VGLL3: variants seen among roughly 807,000 people sequenced by gnomAD.
VGLL3 encodes transcription cofactor vestigial-like protein 3.
A neutral mutation model predicts 29.2 loss-of-function variants in VGLL3; 18 were observed. The observed-to-expected ratio is 0.62, with a 90% confidence interval of 0.43 to 0.91. VGLL3 has a LOEUF of 0.91. VGLL3 is among the 40% of genes least tolerant of loss of function. The probability of loss-of-function intolerance (pLI) is 0.00; values close to 1 mark genes in which losing one functional copy is unlikely to be tolerated. For synonymous variants in VGLL3, 180 were observed against 151.8 expected (o/e 1.19, Z -1.36); for missense variants, 440 against 413.2 (o/e 1.06, Z -0.56).
chr3:86,941,268 T>C lies in VGLL3; in HGVS notation c.*5756A>G, dbSNP rs1311788917. ...ATATCCTAAGAAATTAAATCAATTGTGTAAATAATCATTATTAACTTTTGC... is the reference window on the plus strand; with the variant it reads ...ATATCCTAAGAAATTAAATCAATTGCGTAAATAATCATTATTAACTTTTGC... On this transcript the variant is annotated 3_prime_UTR_variant, in exon 4 of 4. Transcript: ENST00000398399. The C allele has an allele frequency of 6.6e-6, 1 of 152,452 alleles. No individual in the cohort carries two copies. The highest frequency in any genetic ancestry group is 1.5e-5 in the Non-Finnish European group (1 of 67,932). The allele number at this position is 152,452 out of a possible 1,614,324, so 9.4% of individuals were successfully genotyped here.
chr3:86,969,334 A>T (rs555236703), intron 2 of VGLL3, among the ~76,000 whole-genome samples: 1 of 152,320 alleles, frequency 6.6e-6, no homozygotes, highest in Admixed American at 6.5e-5. Flanking sequence ...CCAAAGTGTT[A>T]AATGAGCCTC....
intron 2 of VGLL3, among the ~76,000 whole-genome samples, chr3:86,977,231 G>A (rs1370832359): frequency 6.6e-6 from 1 of 152,036 alleles, no homozygotes; most frequent in East Asian, 1.9e-4. Context: ...GAGAGGAGAA[G>A]AGGCAAACAG....
intron 3 of VGLL3, among the ~76,000 whole-genome samples, chr3:86,960,586 T>C (rs1704817076): frequency 6.6e-6 from 1 of 152,188 alleles, no homozygotes; most frequent in Admixed American, 6.5e-5. Flanking sequence ...TCTCAGTCTG[T>C]ACTTTGCAAG....
At chr3:86,949,813 C>T (rs796984023) in intron 3 of VGLL3, among the ~76,000 whole-genome samples, 29 of 128,404 alleles carry the variant, frequency 2.3e-4, no homozygotes, top group Middle Eastern at 5.9e-3. Flanking sequence ...GGTGACAGAG[C>T]GAGACTCCAT....
At position 86,939,777 on chromosome 3, in the gene VGLL3, T is replaced by A. The variant is rs2106939770; in HGVS notation, c.*7247A>T. 1 of 152,460 alleles carries A rather than the reference T, an allele frequency of 6.6e-6. No homozygotes were observed. Among genetic ancestry groups the A allele is most frequent in the East Asian group, 1.9e-4 (1 of 5,182 alleles). The allele number at this position is 152,460 out of a possible 1,614,324, so 9.4% of individuals were successfully genotyped here. On this transcript the variant is annotated 3_prime_UTR_variant, in exon 4 of 4. Transcript: ENST00000398399. ...AGAAGAGGAAGTCAGTGATGTCATGTGAGAAGGTCTTGACCAGGTTGCTGG... is the reference window on the plus strand; with the variant it reads ...AGAAGAGGAAGTCAGTGATGTCATGAGAGAAGGTCTTGACCAGGTTGCTGG...
intron 2 of VGLL3, among the ~76,000 whole-genome samples, chr3:86,970,110 G>A (rs1198909916): frequency 2.6e-5 from 4 of 152,136 alleles, no homozygotes; most frequent in Non-Finnish European, 5.9e-5. Context: ...GTATTTTGGG[G>A]AGAGGGAAAT....
intron 1 of VGLL3, among the ~76,000 whole-genome samples, chr3:86,986,966 C>T (rs996836793): frequency 1.3e-5 from 2 of 151,924 alleles, no homozygotes; most frequent in Admixed American, 1.3e-4. Flanking sequence ...GCATATTAAT[C>T]TTCATTAGAA....
At chr3:86,951,574 AT>A (rs1704619172) in intron 3 of VGLL3, among the ~76,000 whole-genome samples, 1 of 152,132 alleles carries the variant, frequency 6.6e-6, no homozygotes, top group South Asian at 2.1e-4. Context: ...ATTATGACTC[AT>A]TTTCTAACTG....
Position 86,969,075 on chromosome 3 carries a change from C to A in VGLL3, c.452G>T (p.Trp151Leu), listed in dbSNP as rs1705029383. 1 of 1,610,376 alleles carries A rather than the reference C, an allele frequency of 6.2e-7. No individual in the cohort carries two copies. The highest frequency in any genetic ancestry group is 1.3e-5 in the African/African-American group (1 of 74,924). ...SQRNSFPTSF[W>L]TSSYQPPPAP... ...AGGTGGGGGCTGGTAAGAGCTGGTC[C>A]AAAAGGAAGTTGGGAAACTATTCCG... Residue 151 changes from tryptophan to leucine, a missense_variant, in exon 3 of 4, where the codon TGG becomes TTG. Coordinates refer to ENST00000398399, the MANE Select transcript of VGLL3 (RefSeq NM_016206.4).
intron 2 of VGLL3, among the ~76,000 whole-genome samples, chr3:86,969,647 C>A (rs183647736): frequency 6.6e-6 from 1 of 151,706 alleles, no homozygotes; most frequent in Admixed American, 6.6e-5. Context: ...CACTCATTTT[C>A]CATTAAGAAG....
At chr3:86,972,519 G>T (rs1287304117) in intron 2 of VGLL3, among the ~76,000 whole-genome samples, 1 of 152,150 alleles carries the variant, frequency 6.6e-6, no homozygotes, top group Non-Finnish European at 1.5e-5. Context: ...AGGAAGAGAT[G>T]ATATGCTTTG....
rs1475710421 is a variant in VGLL3 at position 86,938,025 on chromosome 3, C to T, written c.*8999G>A. On this transcript the variant is annotated 3_prime_UTR_variant, in exon 4 of 4. Transcript: ENST00000398399. ...GTAATTTGTTTAACACAAAATGGCACATAGCATGATATCATGTCACCCATT... is the reference window on the plus strand; with the variant it reads ...GTAATTTGTTTAACACAAAATGGCATATAGCATGATATCATGTCACCCATT... 6.6e-6 allele frequency: 1 copy of T among 152,120 alleles called. No individual in the cohort carries two copies. Among genetic ancestry groups the T allele is most frequent in the Non-Finnish European group, 1.5e-5 (1 of 68,008 alleles). 9.4% of individuals were successfully genotyped at this position (152,120 alleles called of 1,614,324 possible).
intron 2 of VGLL3, among the ~76,000 whole-genome samples, chr3:86,972,889 C>T (rs13077907): frequency 0.013 from 2,004 of 150,982 alleles, 18 homozygotes; most frequent in Non-Finnish European, 0.02. Context: ...TACATACACA[C>T]GAGTTTATTT....
chr3:86,955,645 C>T (rs573497056), intron 3 of VGLL3, among the ~76,000 whole-genome samples: 4 of 152,240 alleles, frequency 2.6e-5, no homozygotes, highest in African/African-American at 9.6e-5. Context: ...CCCACCTTGG[C>T]CTCCCAAAGT....
chr3:86,967,354 TCA>T (rs1704985772), intron 3 of VGLL3, among the ~76,000 whole-genome samples: 1 of 152,136 alleles, frequency 6.6e-6, no homozygotes, highest in South Asian at 2.1e-4. Context: ...TGCTGTGCCA[TCA>T]CACACGCATC....
rs1436114009 is a variant in VGLL3, at chr3:86,938,438, C to T, written c.*8586G>A. 6.6e-6 allele frequency: 1 copy of T among 152,594 alleles called. No individual in the cohort carries two copies. The highest frequency in any genetic ancestry group is 1.5e-5 in the Non-Finnish European group (1 of 68,022). The allele number at this position is 152,594 out of a possible 1,614,324, so 9.5% of individuals were successfully genotyped here. ...TATATTTTCCTTTTAGCAAGATCCA[C>T]AAGAAAGGATAGAGTGTCATGCTTA... On this transcript the variant is annotated 3_prime_UTR_variant, in exon 4 of 4. Transcript: ENST00000398399.
intron 3 of VGLL3, among the ~76,000 whole-genome samples, chr3:86,960,995 A>G: frequency 6.7e-6 from 1 of 149,782 alleles, no homozygotes; most frequent in Non-Finnish European, 1.5e-5. Flanking sequence ...TTTGTTTAAT[A>G]TTAGGTTACC....
chr3:86,950,226 G>A (rs767966010), intron 3 of VGLL3, among the ~76,000 whole-genome samples: 2 of 152,070 alleles, frequency 1.3e-5, no homozygotes, highest in Non-Finnish European at 1.5e-5. Context: ...TGTTCAGACT[G>A]TGAGATTTTT....
chr3:86,976,263 C>G (rs1306656893), intron 2 of VGLL3, among the ~76,000 whole-genome samples: 1 of 152,242 alleles, frequency 6.6e-6, no homozygotes, highest in African/African-American at 2.4e-5. Context: ...TGTAGAATTA[C>G]TTTCCCCTAG....
Sources: allele counts gnomAD v4.1 joint callset (sites outside exome capture counted in the v4.1 genomes callset), GRCh38; gene constraint gnomAD v4.1.1; transcripts MANE v1.5; gene names NCBI Gene and HGNC (gene_info 2026-07-23, HGNC 2026-07-21).